Variants in METAP2 observed in about 807,000 individuals in gnomAD.
METAP2 encodes methionine aminopeptidase 2.
In METAP2, 25 loss-of-function variants were observed where a neutral mutation model predicts 59.4. The ratio of observed to expected loss-of-function variants is 0.42; its 90% CI spans 0.31 to 0.59. The LOEUF (loss-of-function observed/expected upper bound fraction) is 0.59, where lower values mean the gene tolerates loss of function less well. Ranked by LOEUF, METAP2 falls within the 20% of genes least tolerant of loss-of-function variation. The pLI is 0.16. For missense variants in METAP2, 366 were observed against 581.2 expected (o/e 0.63, Z 3.81); for synonymous variants, 214 against 194.1 (o/e 1.10, Z -0.85).
chr12:95,479,678 A>G (rs1190870909), intron 2 of METAP2, among the ~76,000 whole-genome samples: 1 of 150,440 alleles, frequency 6.6e-6, no homozygotes, highest in Non-Finnish European at 1.5e-5. Flanking sequence ...GCACGATCTC[A>G]GCTCACTGCA....
intron 3 of METAP2, among the ~76,000 whole-genome samples, chr12:95,484,537 C>T (rs1384149735): frequency 6.6e-6 from 1 of 151,114 alleles, no homozygotes; most frequent in Non-Finnish European, 1.5e-5. Flanking sequence ...CTCTAAATTG[C>T]TCCCTTCTGA....
At chr12:95,499,971 A>G (rs1214798712) in intron 7 of METAP2, among the ~76,000 whole-genome samples, 5 of 152,174 alleles carry the variant, frequency 3.3e-5, no homozygotes, top group South Asian at 2.1e-4. Context: ...CCATGATCCT[A>G]TCACCTCCCT....
intron 4 of METAP2, among the ~76,000 whole-genome samples, chr12:95,488,881 T>TACAC (rs10679214): frequency 1.2e-3 from 174 of 150,660 alleles, no homozygotes; most frequent in Middle Eastern, 0.01. Flanking sequence ...CATATAGCCT[T>TACAC]ACACACACAC....
rs201661818 is a variant in METAP2, at chr12:95,476,169, G to A, written c.250G>A (p.Asp84Asn). The change falls in exon 2 of 11, where the codon GAT (aspartate) becomes AAT (asparagine). Residue 84 changes from aspartate to asparagine, a missense_variant. Physicochemically the swap from Asp to Asn is conservative, Grantham distance 23. Around this residue, in one of 4 missense-constraint regions of METAP2, gnomAD observed 177 missense variants for 180.3 expected, o/e 0.98. Coordinates refer to ENST00000323666, the MANE Select transcript of METAP2 (RefSeq NM_006838.4). Reference protein sequence around the residue: ...SALEDKERDEDDEDGDGDGDG... With the variant: ...SALEDKERDENDEDGDGDGDG... ...ATTGGAAGATAAAGAAAGAGATGAA[G>A]ATGATGAAGGTAAATGGTTAATTTG... is the stretch of plus-strand genomic sequence containing the variant. 5.3e-5 allele frequency: 84 copies of A among 1,594,094 alleles called. No homozygotes were observed. Among genetic ancestry groups the A allele is most frequent in the Middle Eastern group, 1.7e-4 (1 of 6,036 alleles).
intron 8 of METAP2, among the ~76,000 whole-genome samples, chr12:95,506,346 G>C (rs1355392563): frequency 7.2e-6 from 1 of 139,490 alleles, no homozygotes; most frequent in African/African-American, 2.7e-5. Context: ...GCCCAGGCTA[G>C]AGTGCAGTGG....
At chr12:95,513,552 T>A in intron 10 of METAP2, 100 bp from the exon 11 acceptor site, 1 of 1,379,386 alleles carries the variant, frequency 7.2e-7, no homozygotes, top group Non-Finnish European at 9.8e-7. Context: ...TTTTTGGACT[T>A]CAACTACTAG....
At chr12:95,485,069 A>G (rs1474587595) in intron 3 of METAP2, among the ~76,000 whole-genome samples, 2 of 152,244 alleles carry the variant, frequency 1.3e-5, no homozygotes. Context: ...AATGATAACC[A>G]TAGTACAGAT....
At chr12:95,474,462 A>C in intron 1 of METAP2, 132 bp downstream of exon 1, 4 of 933,500 alleles carry the variant, frequency 4.3e-6, no homozygotes, top group Non-Finnish European at 6.3e-6. Flanking sequence ...ACAGGGTGGC[A>C]AAGCCGGGCT....
intron 4 of METAP2, among the ~76,000 whole-genome samples, chr12:95,489,860 C>A (rs1348706442): frequency 6.6e-6 from 1 of 152,058 alleles, no homozygotes; most frequent in Non-Finnish European, 1.5e-5. Flanking sequence ...CAAAAAACTT[C>A]TTATTTTGAA....
At chr12:95,482,094 G>T in intron 2 of METAP2, 3 of 436,592 alleles carry the variant, frequency 6.9e-6, no homozygotes, top group South Asian at 5.0e-5. Flanking sequence ...GAATAAGTCA[G>T]CAATATTTGT....
chr12:95,482,119 G>T (rs757125456), intron 2 of METAP2: 3 of 451,620 alleles, frequency 6.6e-6, no homozygotes, highest in African/African-American at 2.0e-5. Flanking sequence ...TGGGTTTGTT[G>T]TTGTTAGGAT....
At chr12:95,497,531 T>C (rs1013847343) in intron 7 of METAP2, among the ~76,000 whole-genome samples, 1 of 152,268 alleles carries the variant, frequency 6.6e-6, no homozygotes, top group African/African-American at 2.4e-5. Flanking sequence ...ATTGCTGCTA[T>C]GAATACGGGT....
At chr12:95,485,843 A>G (rs1369816464) in intron 3 of METAP2, 36 bp from the exon 4 acceptor site, 2 of 1,336,062 alleles carry the variant, frequency 1.5e-6, no homozygotes, top group Non-Finnish European at 2.0e-6. Flanking sequence ...TTTTATTTTT[A>G]ACTACAGAAG....
At position 95,476,230 on chromosome 12, in the gene METAP2, G is replaced by A. The variant is rs2076117462; in HGVS notation, c.259+52G>A. 7.2e-6 allele frequency: 9 copies of A among 1,251,000 alleles called. No homozygotes were observed. In the East Asian group the frequency reaches 1.7e-4, roughly 23 times the overall value. 77.5% of individuals were successfully genotyped at this position (1,251,000 alleles called of 1,614,324 possible). A position where few individuals can be genotyped will look rare whatever the true frequency, so the allele number is the denominator to read the frequency against. On this transcript the variant is annotated intron_variant, in intron 2 of 10. Coordinates refer to ENST00000323666, the MANE Select transcript of METAP2 (RefSeq NM_006838.4). ...TTAGAAAAGCTAGAAAATGTAGCCG[G>A]GTGTGGTGGCACACACCTGTAATCC...
intron 8 of METAP2, among the ~76,000 whole-genome samples, chr12:95,505,585 G>A (rs1425030405): frequency 6.6e-6 from 1 of 151,856 alleles, no homozygotes; most frequent in Non-Finnish European, 1.5e-5. Context: ...TCCCAGGTTC[G>A]AGCCATTCAA....
rs58065707 is a variant in METAP2 at position 95,479,613 on chromosome 12, C to CT, written c.259+3450dup. Reference sequence around the variant, plus strand: ...TTTCCCTAAAATAATAGTCACCACTCTTTTTTTTTTTTTTTGAGACGGAGT... The same window carrying CT: ...TTTCCCTAAAATAATAGTCACCACTCTTTTTTTTTTTTTTTTGAGACGGAGT... On this transcript the variant is annotated intron_variant, in intron 2 of 10. Transcript: ENST00000323666. Among the ~76,000 whole-genome samples, 838 of 143,138 alleles carry CT rather than the reference C, an allele frequency of 5.9e-3. 4 individuals are homozygous for CT. Among genetic ancestry groups the CT allele is most frequent in the African/African-American group, 9.5e-3 (370 of 39,138 alleles). The allele number at this position is 143,138 out of a possible 152,430, so 93.9% of individuals were successfully genotyped here.
rs1411911128 is a variant in METAP2, at chr12:95,476,060, A to G, written c.152-11A>G. On this transcript the variant is annotated splice_polypyrimidine_tract_variant and intron_variant, in intron 1 of 10. Coordinates refer to ENST00000323666, the MANE Select transcript of METAP2 (RefSeq NM_006838.4). ...TATTAGATTTGATTTCTGCTATTTT[A>G]TTTTGATCAGCAGGGGAACAGGAAC... The G allele has an allele frequency of 1.3e-6, 2 of 1,545,134 alleles. No individual in the cohort carries two copies. The highest frequency in any genetic ancestry group is 2.3e-5 in the East Asian group (1 of 44,272).
intron 7 of METAP2, among the ~76,000 whole-genome samples, chr12:95,499,918 CAT>C (rs2140156499): frequency 6.6e-6 from 1 of 152,304 alleles, no homozygotes; most frequent in Non-Finnish European, 1.5e-5. Flanking sequence ...TATCAGGTCT[CAT>C]GAGAACTTCC....
rs67031623 is a variant in METAP2 at position 95,490,566 on chromosome 12, ATTT to A, written c.429-3471_429-3469del. On this transcript the variant is annotated intron_variant, in intron 4 of 10. Coordinates refer to ENST00000323666, the MANE Select transcript of METAP2 (RefSeq NM_006838.4). ...TTCTCACACATAGCTTGAAGCCTGT[ATTT>A]TTTTTTTTTTTTTTTTTTGAGATGG... is the stretch of plus-strand genomic sequence containing the variant. Among the ~76,000 whole-genome samples the A allele has an allele frequency of 9.6e-3, 988 of 102,808 alleles. 6 individuals carry two copies. Among genetic ancestry groups the A allele is most frequent in the African/African-American group, 0.033 (845 of 25,350 alleles). The allele number at this position is 102,808 out of a possible 152,430, so 67.4% of individuals were successfully genotyped here. A position where few individuals can be genotyped will look rare whatever the true frequency, so the allele number is the denominator to read the frequency against.
Sources: gnomAD v4.1 joint callset for allele counts (sites outside exome capture counted in the v4.1 genomes callset) on GRCh38, gnomAD v4.1.1 for gene constraint, gnomAD v4.1.1 regional missense constraint, MANE v1.5 for transcripts, NCBI Gene and HGNC (gene_info 2026-07-23, HGNC 2026-07-21) for gene names.